Variants in CSMD1 observed in about 807,000 individuals in gnomAD.
CSMD1 encodes the protein CUB and sushi domain-containing protein 1.
CSMD1 carries 213 observed loss-of-function variants against 417.5 expected under a neutral mutation model. That is an observed-to-expected ratio of 0.51 (90% confidence interval 0.46 to 0.57). The LOEUF is 0.57. Among genes scored for constraint, CSMD1 ranks in the 20% least tolerant of loss-of-function variants. CSMD1 has a pLI of 0.00. For synonymous variants in CSMD1, 2,862 were observed against 1,736.8 expected (o/e 1.65, Z -16.11); for missense variants, 6,923 against 4,529.7 (o/e 1.53, Z -15.17).
rs1013202822 is a variant in CSMD1 at position 4,598,758 on chromosome 8, G to A, written c.302+38584C>T. On this transcript the variant is annotated intron_variant, in intron 2 of 69. Coordinates refer to ENST00000635120, the MANE Select transcript of CSMD1 (RefSeq NM_033225.6). Reference sequence around the variant, plus strand: ...TTTATGTTTATTGAAGCAAAATAAAGCTCTAAGTAGGTGGAAAATTTTTTT... The same window carrying A: ...TTTATGTTTATTGAAGCAAAATAAAACTCTAAGTAGGTGGAAAATTTTTTT... Among the ~76,000 whole-genome samples, 4 of 152,050 alleles carry A rather than the reference G, an allele frequency of 2.6e-5. No homozygotes were observed. The East Asian group carries it at 7.7e-4, about 29-fold the overall frequency.
chr8:4,078,524 A>G (rs1212594472), intron 3 of CSMD1, among the ~76,000 whole-genome samples: 2 of 151,768 alleles, frequency 1.3e-5, no homozygotes, highest in Non-Finnish European at 2.9e-5. Context: ...TCGGCCTCCC[A>G]AAGTGCTGGG....
intron 50 of CSMD1, among the ~76,000 whole-genome samples, chr8:3,038,950 T>C (rs1810883537): frequency 6.6e-6 from 1 of 152,086 alleles, no homozygotes; most frequent in South Asian, 2.1e-4. Context: ...CTGGTGACTA[T>C]ATAGATTAGG....
In CSMD1 at chr8:4,156,265, G is replaced by C. The variant is rs1366241629; in HGVS notation, c.416-124166C>G. ...TTCTTTTTACTAACTTTTTAATTAT[G>C]GCTAAAGAGTTGATGGGGTTGAAAA... On this transcript the variant is annotated intron_variant, in intron 3 of 69. Coordinates refer to ENST00000635120, the MANE Select transcript of CSMD1 (RefSeq NM_033225.6). 2.6e-5 allele frequency among the ~76,000 whole-genome samples: 4 copies of C among 152,074 alleles called. No homozygotes were observed. The East Asian group carries it at 7.7e-4, about 29-fold the overall frequency.
intron 5 of CSMD1, among the ~76,000 whole-genome samples, chr8:3,809,563 G>C (rs1800945789): frequency 6.6e-6 from 1 of 152,082 alleles, no homozygotes; most frequent in South Asian, 2.1e-4. Flanking sequence ...GGATTCACTG[G>C]GAGAGCTTGT....
intron 5 of CSMD1, among the ~76,000 whole-genome samples, chr8:3,833,206 G>C (rs113895362): frequency 2.6e-5 from 4 of 152,112 alleles, no homozygotes; most frequent in African/African-American, 4.8e-5. Context: ...TTTTAATCAA[G>C]AATTTTTTTG....
rs899657159 is a variant in CSMD1 at position 4,467,175 on chromosome 8, T to C, written c.303-47110A>G. Among the ~76,000 whole-genome samples the C allele has an allele frequency of 5.3e-5, 8 of 151,620 alleles. No individual in the cohort carries two copies. The South Asian group carries it at 1.0e-3, about 20-fold the overall frequency. Reference sequence around the variant, plus strand: ...AGAAAAAACAAATGTTGACAACTCGTTCTGTAAACAATGTTCAAAGTCCTT... The same window carrying C: ...AGAAAAAACAAATGTTGACAACTCGCTCTGTAAACAATGTTCAAAGTCCTT... On this transcript the variant is annotated intron_variant, in intron 2 of 69. Coordinates refer to ENST00000635120, the MANE Select transcript of CSMD1 (RefSeq NM_033225.6).
rs185456071 is a variant in CSMD1 at position 4,260,687 on chromosome 8, C to A, written c.415+159266G>T. On this transcript the variant is annotated intron_variant, in intron 3 of 69. Coordinates refer to ENST00000635120, the MANE Select transcript of CSMD1 (RefSeq NM_033225.6). ...TTTCAGTTTTTGCGAGAGGTTAATCCAAAATTCCCATGTCGTTGGTTTATT... is the reference window on the plus strand; with the variant it reads ...TTTCAGTTTTTGCGAGAGGTTAATCAAAAATTCCCATGTCGTTGGTTTATT... 5.8e-3 allele frequency among the ~76,000 whole-genome samples: 882 copies of A among 152,154 alleles called. 8 individuals are homozygous for A. Among genetic ancestry groups the A allele is most frequent in the African/African-American group, 0.02 (845 of 41,508 alleles).
intron 57 of CSMD1, among the ~76,000 whole-genome samples, chr8:2,969,667 C>T (rs144679184): frequency 3.9e-4 from 60 of 152,282 alleles, no homozygotes; most frequent in Middle Eastern, 3.4e-3. Flanking sequence ...ATAGAAGCTA[C>T]GCTTCCTGGA....
intron 22 of CSMD1, among the ~76,000 whole-genome samples, chr8:3,347,754 T>G (rs1808108660): frequency 6.6e-6 from 1 of 152,242 alleles, no homozygotes; most frequent in Non-Finnish European, 1.5e-5. Flanking sequence ...CATAAGGTGC[T>G]GGACTGATAA....
chr8:4,713,036 G>C (rs1034894496), intron 1 of CSMD1, among the ~76,000 whole-genome samples: 1 of 152,188 alleles, frequency 6.6e-6, no homozygotes, highest in African/African-American at 2.4e-5. Flanking sequence ...TGTGATCTTA[G>C]GGATACTGGG....
At chr8:3,395,976 G>A (rs978528141) in intron 17 of CSMD1, among the ~76,000 whole-genome samples, 13 of 152,004 alleles carry the variant, frequency 8.6e-5, no homozygotes, top group African/African-American at 2.9e-4. Context: ...TTTGTCATAC[G>A]CGATGGATAC....
intron 37 of CSMD1, among the ~76,000 whole-genome samples, chr8:3,165,922 T>C (rs745738245): frequency 1.3e-5 from 2 of 152,114 alleles, no homozygotes; most frequent in Non-Finnish European, 1.5e-5. Context: ...GGTGGGGGAA[T>C]GTAGACAATA....
intron 26 of CSMD1, among the ~76,000 whole-genome samples, chr8:3,270,317 A>T (rs1383431582): frequency 6.6e-6 from 1 of 152,006 alleles, no homozygotes; most frequent in East Asian, 1.9e-4. Context: ...TGGCCTCCCA[A>T]AGTCCTGGGA....
At chr8:3,891,412 G>C (rs532357638) in intron 5 of CSMD1, among the ~76,000 whole-genome samples, 3 of 152,094 alleles carry the variant, frequency 2.0e-5, no homozygotes, top group South Asian at 4.1e-4. Context: ...AGGTATGGTG[G>C]CTCACGCCTA....
chr8:3,684,329 T>C (rs1227956130), intron 7 of CSMD1, among the ~76,000 whole-genome samples: 4 of 145,956 alleles, frequency 2.7e-5, no homozygotes, highest in Non-Finnish European at 4.5e-5. Context: ...TAGCTATATG[T>C]TATATATTAT....
intron 7 of CSMD1, among the ~76,000 whole-genome samples, chr8:3,669,628 G>A (rs575731174): frequency 6.6e-5 from 10 of 152,132 alleles, no homozygotes; most frequent in Non-Finnish European, 1.3e-4. Flanking sequence ...CTGGGTATTC[G>A]CCCGCTGGGT....
At chr8:3,981,526 GAACA>G (rs1813869226) in intron 5 of CSMD1, among the ~76,000 whole-genome samples, 1 of 56,378 alleles carries the variant, frequency 1.8e-5, no homozygotes, top group Non-Finnish European at 3.8e-5. Flanking sequence ...AAAAAAAAAA[GAACA>G]TACAATTGTG....
chr8:4,206,020 T>A (rs551525379), intron 3 of CSMD1, among the ~76,000 whole-genome samples: 7 of 152,234 alleles, frequency 4.6e-5, no homozygotes, highest in African/African-American at 1.7e-4. Flanking sequence ...AGAAACTACA[T>A]AGTTCCTCCC....
At chr8:3,908,289 A>G (rs996104071) in intron 5 of CSMD1, among the ~76,000 whole-genome samples, 2 of 152,198 alleles carry the variant, frequency 1.3e-5, no homozygotes, top group South Asian at 2.1e-4. Context: ...TCTTCCCAAC[A>G]TCGCATATAT....
Sources: gnomAD v4.1 joint callset for allele counts (sites outside exome capture counted in the v4.1 genomes callset) on GRCh38, gnomAD v4.1.1 for gene constraint, MANE v1.5 for transcripts, NCBI Gene and HGNC (gene_info 2026-07-23, HGNC 2026-07-21) for gene names.